ANKS1B: variants seen among roughly 807,000 people sequenced by gnomAD.
ANKS1B encodes the protein ankyrin repeat and sterile alpha motif domain-containing protein 1B.
A neutral mutation model predicts 148.3 loss-of-function variants in ANKS1B; 36 were observed. The observed-to-expected ratio is 0.24, with a 90% CI of 0.19 to 0.32. ANKS1B has a LOEUF of 0.32. Among genes scored for constraint, ANKS1B ranks in the 10% least tolerant of loss-of-function variants. The pLI is 1.00. For missense variants in ANKS1B, 1,157 were observed against 1,542.6 expected (o/e 0.75, Z 4.19); for synonymous variants, 542 against 560.8 (o/e 0.97, Z 0.47).
At chr12:98,771,404 T>G (rs1399064305) in intron 25 of ANKS1B, among the ~76,000 whole-genome samples, 1 of 151,548 alleles carries the variant, frequency 6.6e-6, no homozygotes, top group African/African-American at 2.4e-5. Flanking sequence ...ACTCCTGAAC[T>G]CAAGTGGTCC....
intron 14 of ANKS1B, among the ~76,000 whole-genome samples, chr12:99,157,258 T>C (rs2076162656): frequency 1.3e-5 from 2 of 152,208 alleles, no homozygotes; most frequent in Admixed American, 6.5e-5. Context: ...AAAAGGAAAG[T>C]CTCAATTATA....
chr12:99,760,730 T>G (rs2062010272), intron 8 of ANKS1B, among the ~76,000 whole-genome samples: 1 of 149,078 alleles, frequency 6.7e-6, no homozygotes, highest in Non-Finnish European at 1.5e-5. Context: ...ACCCAAAAAT[T>G]CATACAAAAA....
At chr12:99,451,785 A>ATGTGTGTG (rs2095741558) in intron 10 of ANKS1B, among the ~76,000 whole-genome samples, 1 of 111,688 alleles carries the variant, frequency 9.0e-6, no homozygotes, top group East Asian at 2.8e-4. Flanking sequence ...ATGTACAGAT[A>ATGTGTGTG]CGTGTGTGTG....
intron 23 of ANKS1B, 131 bp from the exon 24 acceptor site, chr12:98,781,334 ACACACAC>A (rs2098733695): frequency 2.9e-6 from 2 of 690,884 alleles, no homozygotes; most frequent in Non-Finnish European, 2.7e-6. Flanking sequence ...ACACACACAC[ACACACAC>A]ATCAGATACA....
chr12:99,117,641 T>C (rs2061722872), intron 15 of ANKS1B, among the ~76,000 whole-genome samples: 2 of 152,250 alleles, frequency 1.3e-5, no homozygotes, highest in African/African-American at 4.8e-5. Context: ...TCATCAGGAA[T>C]ATTGGCCTGA....
intron 15 of ANKS1B, among the ~76,000 whole-genome samples, chr12:99,133,145 AG>A (rs2066714946): frequency 6.8e-6 from 1 of 148,098 alleles, no homozygotes. Flanking sequence ...TCTGCCTCCC[AG>A]GTTCAAGCAA....
intron 17 of ANKS1B, among the ~76,000 whole-genome samples, chr12:98,976,986 G>A (rs946755980): frequency 7.9e-5 from 12 of 152,296 alleles, no homozygotes; most frequent in African/African-American, 2.6e-4. Flanking sequence ...AGATTGGAAG[G>A]AAGCAAACAA....
intron 15 of ANKS1B, among the ~76,000 whole-genome samples, chr12:99,085,853 G>A (rs1315410279): frequency 1.3e-5 from 2 of 152,226 alleles, no homozygotes; most frequent in African/African-American, 2.4e-5. Context: ...ACACGCTGGC[G>A]CCTGTTGGAG....
At chr12:99,023,038 A>G (rs1405600702) in intron 17 of ANKS1B, among the ~76,000 whole-genome samples, 1 of 152,096 alleles carries the variant, frequency 6.6e-6, no homozygotes, top group Admixed American at 6.6e-5. Context: ...AGACTTTTCC[A>G]ATGTTAAACT....
chr12:99,178,536 C>G (rs907945130), intron 14 of ANKS1B, among the ~76,000 whole-genome samples: 1 of 152,176 alleles, frequency 6.6e-6, no homozygotes, highest in Non-Finnish European at 1.5e-5. Flanking sequence ...CCTTTTTACC[C>G]TTGGGGATGC....
intron 17 of ANKS1B, among the ~76,000 whole-genome samples, chr12:98,933,032 A>G (rs2099815105): frequency 6.6e-6 from 1 of 152,190 alleles, no homozygotes; most frequent in Non-Finnish European, 1.5e-5. Context: ...AGTGTACATT[A>G]TTGTTGACTG....
chr12:98,863,304 G>C (rs774779330), intron 17 of ANKS1B, among the ~76,000 whole-genome samples: 5 of 152,162 alleles, frequency 3.3e-5, no homozygotes, highest in Non-Finnish European at 7.4e-5. Context: ...CTGCAGCTCG[G>C]CTGGATCCCA....
chr12:99,491,081 G>A (rs1027375314), intron 10 of ANKS1B, among the ~76,000 whole-genome samples: 80 of 152,182 alleles, frequency 5.3e-4, no homozygotes, highest in African/African-American at 1.7e-3. Flanking sequence ...ACTTTGGGAG[G>A]CCGAGGCAGG....
intron 1 of ANKS1B, among the ~76,000 whole-genome samples, chr12:99,889,384 AC>A (rs2092986680): frequency 6.6e-6 from 1 of 152,198 alleles, no homozygotes; most frequent in South Asian, 2.1e-4. Flanking sequence ...AATCCAGAGC[AC>A]CCAGAACATT....
chr12:99,637,987 T>C (rs1425126800), intron 9 of ANKS1B, among the ~76,000 whole-genome samples: 1 of 151,946 alleles, frequency 6.6e-6, no homozygotes, highest in Non-Finnish European at 1.5e-5. Context: ...GTTACCCCCA[T>C]CCTGCTTTTC....
intron 14 of ANKS1B, among the ~76,000 whole-genome samples, chr12:99,237,539 T>A (rs1309366445): frequency 6.6e-6 from 1 of 152,168 alleles, no homozygotes; most frequent in Non-Finnish European, 1.5e-5. Context: ...AAATAGTGAT[T>A]GTAAAACCAA....
intron 15 of ANKS1B, among the ~76,000 whole-genome samples, chr12:99,106,824 G>C (rs1035451462): frequency 6.6e-6 from 1 of 152,198 alleles, no homozygotes; most frequent in Non-Finnish European, 1.5e-5. Context: ...GTTACGAATT[G>C]ATAACACTAG....
At chr12:98,997,817 A>T (rs953576695) in intron 17 of ANKS1B, among the ~76,000 whole-genome samples, 1 of 152,182 alleles carries the variant, frequency 6.6e-6, no homozygotes, top group East Asian at 1.9e-4. Flanking sequence ...TCGGACACTT[A>T]AATGTTTTCA....
intron 17 of ANKS1B, among the ~76,000 whole-genome samples, chr12:98,877,707 G>A (rs1325503038): frequency 6.6e-6 from 1 of 152,206 alleles, no homozygotes; most frequent in East Asian, 1.9e-4. Flanking sequence ...GAACAGGAAA[G>A]TATACTTCAA....
Sources: allele counts gnomAD v4.1 joint callset (sites outside exome capture counted in the v4.1 genomes callset), GRCh38; gene constraint gnomAD v4.1.1; transcripts MANE v1.5; gene names NCBI Gene and HGNC (gene_info 2026-07-23, HGNC 2026-07-21).